The following SERPINA11 variants were observed in gnomAD, a reference collection of about 807,000 sequenced individuals.
SERPINA11 encodes the protein serpin family A member 11.
A neutral mutation model predicts 29.4 loss-of-function variants in SERPINA11; 28 were observed. The ratio of observed to expected loss-of-function variants is 0.95; its 90% confidence interval spans 0.70 to 1.30. The LOEUF is 1.30. SERPINA11 is among the 50% of genes most tolerant of loss of function. The pLI, the probability that SERPINA11 is intolerant of heterozygous loss-of-function variation, is 0.00. For synonymous variants in SERPINA11, 253 were observed against 206.6 expected (o/e 1.22, Z -1.92); for missense variants, 530 against 507.3 (o/e 1.04, Z -0.43).
rs549527244 is a variant in SERPINA11 at position 94,446,034 on chromosome 14, A to G, written c.917+297T>C. Among the ~76,000 whole-genome samples, 7 of 152,276 alleles carry G rather than the reference A, an allele frequency of 4.6e-5. No homozygotes were observed. The East Asian group carries it at 1.4e-3, about 29-fold the overall frequency. Reference sequence around the variant, plus strand: ...CAGACAGACACCAGGAAAGTATAATAACAGTCAATGCCTGGTGAGCACTTC... The same window carrying G: ...CAGACAGACACCAGGAAAGTATAATGACAGTCAATGCCTGGTGAGCACTTC... On this transcript the variant is annotated intron_variant, in intron 3 of 4. Transcript: ENST00000334708.
Position 94,442,776 on chromosome 14 carries a change from T to A in SERPINA11, c.1099A>T (p.Lys367Ter), listed in dbSNP as rs1168531897. 1.9e-6 allele frequency: 3 copies of A among 1,611,874 alleles called. No homozygotes were observed. Among genetic ancestry groups the A allele is most frequent in the Admixed American group, 1.7e-5 (1 of 59,910 alleles). The change falls in exon 5 of 5, where the codon AAG becomes TAG. Residue 367 changes from lysine (K) to a stop codon, truncating the protein, a stop_gained. Coordinates refer to ENST00000334708, the MANE Select transcript of SERPINA11 (RefSeq NM_001080451.2). LOFTEE classifies it low-confidence loss of function (END_TRUNC). ...GAAGCAGCCCCGGCCTCGGTCCCCT[T>A]CTCACTCATGTCCACCATCGCCTTG... ...SHKAMVDMSE[K>*]GTEAGAASGL...
rs1457601820 is a variant in SERPINA11, at chr14:94,448,130, A to G, written c.643+2T>C. The G allele has an allele frequency of 4.3e-6, 7 of 1,611,566 alleles. No homozygotes were observed. Among genetic ancestry groups the G allele is most frequent in the Non-Finnish European group, 5.9e-6 (7 of 1,178,266 alleles). On this transcript the variant is annotated splice_donor_variant, in intron 2 of 4. Coordinates refer to ENST00000334708, the MANE Select transcript of SERPINA11 (RefSeq NM_001080451.2). LOFTEE classifies it high-confidence loss of function. Reference sequence around the variant, plus strand: ...CAATAATTCTGTCAGAGCAAGCCTCACCTTTGAAGAAGATGTAATTGGCAA... The same window carrying G: ...CAATAATTCTGTCAGAGCAAGCCTCGCCTTTGAAGAAGATGTAATTGGCAA...
rs1566784721 is a variant in SERPINA11, at chr14:94,449,465, C to CTTTCTTTCTTTCT, written c.-3-701_-3-689dup. Among the ~76,000 whole-genome samples the CTTTCTTTCTTTCT allele has an allele frequency of 1.0e-3, 116 of 110,664 alleles. 9 individuals are homozygous for CTTTCTTTCTTTCT. The highest frequency in any genetic ancestry group is 6.2e-3 in the African/African-American group (110 of 17,652). The allele number at this position is 110,664 out of a possible 152,430, so 72.6% of individuals were successfully genotyped here. On this transcript the variant is annotated intron_variant, in intron 1 of 4. Coordinates refer to ENST00000334708, the MANE Select transcript of SERPINA11 (RefSeq NM_001080451.2). The stretch of plus-strand genomic sequence containing the variant: ...TCTTTCTTTCTTTCTTTCTTTCTTT[C>CTTTCTTTCTTTCT]TTTCTTTCTTTCTTTCTGTCTGTCT...
chr14:94,446,619 C>T lies in SERPINA11; in HGVS notation c.644-15G>A, dbSNP rs374314209. The T allele has an allele frequency of 1.6e-4, 264 of 1,606,034 alleles. 1 individual carries two copies. The South Asian group carries it at 1.9e-3, about 11-fold the overall frequency. On this transcript the variant is annotated splice_polypyrimidine_tract_variant and intron_variant, in intron 2 of 4. Transcript: ENST00000334708. Reference sequence around the variant, plus strand: ...CTTCCACTTGGCTTAGGACACAAAACCCATAAGGCCATGAGAACTCTTTTC... The same window carrying T: ...CTTCCACTTGGCTTAGGACACAAAATCCATAAGGCCATGAGAACTCTTTTC...
chr14:94,448,885 A>C, intron 1 of SERPINA11, 108 bp from the exon 2 acceptor site: 5 of 1,021,722 alleles, frequency 4.9e-6, no homozygotes, highest in Non-Finnish European at 5.5e-6. Flanking sequence ...CAGGGCTGCC[A>C]TGAGGGGCAC....
chr14:94,442,662 C>A lies in SERPINA11; in HGVS notation c.1213G>T (p.Val405Phe), dbSNP rs774507029. The change falls in exon 5 of 5, where the codon GTC becomes TTC. Residue 405 changes from valine (V) to phenylalanine (F), a missense_variant. Coordinates refer to ENST00000334708, the MANE Select transcript of SERPINA11 (RefSeq NM_001080451.2). ...AGGAAGAGTAAGCTCTGGGTGGTGACCTCCCAAAGGAGCAAGAGGAAAGGC... is the reference window on the plus strand; with the variant it reads ...AGGAAGAGTAAGCTCTGGGTGGTGAACTCCCAAAGGAGCAAGAGGAAAGGC... Reference protein sequence around the residue: ...NRPFLLLLWEVTTQSLLFLGK... With the variant: ...NRPFLLLLWEFTTQSLLFLGK... 19 of 1,612,698 alleles carry A rather than the reference C, an allele frequency of 1.2e-5. No homozygotes were observed. In the Middle Eastern group the frequency reaches 5.0e-4, roughly 42 times the overall value.
chr14:94,450,457 C>T lies in SERPINA11; in HGVS notation c.-3-1680G>A, dbSNP rs150294530. Among the ~76,000 whole-genome samples, 70 of 152,112 alleles carry T rather than the reference C, an allele frequency of 4.6e-4. No individual in the cohort carries two copies. In the East Asian group the frequency reaches 0.012, roughly 27 times the overall value. On this transcript the variant is annotated intron_variant, in intron 1 of 4. Coordinates refer to ENST00000334708, the MANE Select transcript of SERPINA11 (RefSeq NM_001080451.2). ...AGATCAGGGTGATGCTTCTACAAGC[C>T]GAGGAAAGCGAAAGATGGCCAGCAA...
chr14:94,442,693 GA>G lies in SERPINA11; in HGVS notation c.1181del (p.Phe394SerfsTer47). ...AAAGGAGCAAGAGGAAAGGCCTGTTGAAGTGGGCATGTGGGTCTGACATGGT... is the reference window on the plus strand; with the variant it reads ...AAAGGAGCAAGAGGAAAGGCCTGTTGAGTGGGCATGTGGGTCTGACATGGT... Reference protein sequence around the residue: ...LNTMSDPHAHFNRPFLLLLWE... With the variant: ...LNTMSDPHAHXNRPFLLLLWE... On this transcript the variant is annotated frameshift_variant, in exon 5 of 5. Coordinates refer to ENST00000334708, the MANE Select transcript of SERPINA11 (RefSeq NM_001080451.2). LOFTEE classifies it low-confidence loss of function (END_TRUNC). 6.2e-7 allele frequency: 1 copy of G among 1,613,612 alleles called. No homozygotes were observed. Among genetic ancestry groups the G allele is most frequent in the Non-Finnish European group, 8.5e-7 (1 of 1,179,808 alleles).
At chr14:94,445,840 G>A (rs144632422) in intron 3 of SERPINA11, among the ~76,000 whole-genome samples, 3 of 152,128 alleles carry the variant, frequency 2.0e-5, no homozygotes, top group Admixed American at 6.5e-5. Context: ...GCCTCCCAAA[G>A]CACTGGGATT....
rs765627089 is a variant in SERPINA11, at chr14:94,448,556, G to A, written c.219C>T (p.Ile73=). 8.1e-6 allele frequency: 13 copies of A among 1,614,204 alleles called. No homozygotes were observed. In the East Asian group the frequency reaches 2.9e-4, roughly 36 times the overall value. Residue 73 remains isoleucine, a synonymous_variant, in exon 2 of 5, where the codon ATC becomes ATT. Coordinates refer to ENST00000334708, the MANE Select transcript of SERPINA11 (RefSeq NM_001080451.2). ...TGGAGATGCTCACTGGCGAGAAGAA[G>A]ATGTTTCCGGGGGCGTCTGCTGCCA... ...KELAADAPGN[I]FFSPVSISTT... is the part of the protein sequence containing the mutation.
At chr14:94,451,358 G>T (rs899389824) in intron 1 of SERPINA11, among the ~76,000 whole-genome samples, 2 of 152,118 alleles carry the variant, frequency 1.3e-5, no homozygotes, top group Non-Finnish European at 2.9e-5. Context: ...GCACAGTGTG[G>T]GTTCACTTAA....
At position 94,449,404 on chromosome 14, in the gene SERPINA11, CTA is replaced by C. The variant is rs1491057779; in HGVS notation, c.-3-629_-3-628del. ...AGCCTCCCTCCCTCTTTCTTTCTTTCTATTCTTTCTTTCTTTCTTTCTTTCTT... is the reference window on the plus strand; with the variant it reads ...AGCCTCCCTCCCTCTTTCTTTCTTTCTTCTTTCTTTCTTTCTTTCTTTCTT... On this transcript the variant is annotated intron_variant, in intron 1 of 4. Transcript: ENST00000334708. 5.7e-4 allele frequency among the ~76,000 whole-genome samples: 18 copies of C among 31,528 alleles called. 1 individual carries two copies. Among genetic ancestry groups the C allele is most frequent in the African/African-American group, 1.9e-3 (18 of 9,606 alleles). The allele number at this position is 31,528 out of a possible 152,430, so 20.7% of individuals were successfully genotyped here.
chr14:94,451,301 C>T (rs1367737895), intron 1 of SERPINA11, among the ~76,000 whole-genome samples: 1 of 152,186 alleles, frequency 6.6e-6, no homozygotes, highest in African/African-American at 2.4e-5. Context: ...GTTTGCTGGT[C>T]AAAGTACTGT....
chr14:94,449,409 CTTTCTTTCTTTCTT>C (rs1898524364), intron 1 of SERPINA11, among the ~76,000 whole-genome samples: 1 of 15,578 alleles, frequency 6.4e-5, no homozygotes, highest in Admixed American at 5.9e-4. Flanking sequence ...TCTTTCTATT[CTTTCTTTCTTTCTT>C]TCTTTCTTTC....
chr14:94,443,044 A>C (rs747108485), intron 4 of SERPINA11, 34 bp downstream of exon 4: 309 of 1,588,128 alleles, frequency 1.9e-4, no homozygotes, highest in Non-Finnish European at 2.4e-4. Flanking sequence ...ACCTACCCCC[A>C]CCTGCCCACA....
Position 94,448,211 on chromosome 14 carries a change from T to G in SERPINA11, c.564A>C (p.Thr188=). ...GGAGGCAGTCCACGACTTGCCCGTA[T>G]GTTTGCCTTCTCAAATAGTCATTAA... is the stretch of plus-strand genomic sequence containing the variant. ...RQINDYLRRQ[T]YGQVVDCLPE... The change falls in exon 2 of 5, where the codon ACA becomes ACC. Residue 188 remains threonine (T), a synonymous_variant. Transcript: ENST00000334708. The G allele has an allele frequency of 6.2e-7, 1 of 1,614,250 alleles. No individual in the cohort carries two copies. Among genetic ancestry groups the G allele is most frequent in the Non-Finnish European group, 8.5e-7 (1 of 1,180,042 alleles).
At chr14:94,452,526 A>T (rs1898605594) in intron 1 of SERPINA11, among the ~76,000 whole-genome samples, 1 of 151,282 alleles carries the variant, frequency 6.6e-6, no homozygotes, top group African/African-American at 2.4e-5. Context: ...CTCCTTTAAG[A>T]CTCAGAGGGA....
chr14:94,448,591 A>G lies in SERPINA11; in HGVS notation c.184T>C (p.Tyr62His), dbSNP rs1435633963. 3 of 1,613,908 alleles carry G rather than the reference A, an allele frequency of 1.9e-6. No homozygotes were observed. The highest frequency in any genetic ancestry group is 2.5e-6 in the Non-Finnish European group (3 of 1,179,852). The stretch of plus-strand genomic sequence containing the variant: ...GGGGCGTCTGCTGCCAGCTCTTTAT[A>G]CAAACGCAAAGCAAAATTGGTAATG... The part of the protein sequence containing the change: ...PTITNFALRL[Y>H]KELAADAPGN... The change falls in exon 2 of 5, where the codon TAT becomes CAT. Residue 62 changes from tyrosine to histidine, a missense_variant. Transcript: ENST00000334708.
chr14:94,448,478 G>T lies in SERPINA11; in HGVS notation c.297C>A (p.Ile99=). 1 of 1,614,196 alleles carries T rather than the reference G, an allele frequency of 6.2e-7. No homozygotes were observed. Among genetic ancestry groups the T allele is most frequent in the Non-Finnish European group, 8.5e-7 (1 of 1,180,046 alleles). ...LGAQANTSAL[I]LEGLGFNLTE... Reference sequence around the variant, plus strand: ...TGAGGTTGAATCCCAGGCCCTCCAGGATCAGAGCTGAGGTGTTAGCTTGGG... The same window carrying T: ...TGAGGTTGAATCCCAGGCCCTCCAGTATCAGAGCTGAGGTGTTAGCTTGGG... The change falls in exon 2 of 5, where the codon ATC becomes ATA. Residue 99 remains isoleucine (I), a synonymous_variant. Coordinates refer to ENST00000334708, the MANE Select transcript of SERPINA11 (RefSeq NM_001080451.2).
Sources: gnomAD v4.1 joint callset for allele counts (sites outside exome capture counted in the v4.1 genomes callset) on GRCh38, gnomAD v4.1.1 for gene constraint, MANE v1.5 for transcripts, NCBI Gene and HGNC (gene_info 2026-07-23, HGNC 2026-07-21) for gene names.